Variants in DLGAP1 observed in about 807,000 individuals in gnomAD.
The protein encoded by DLGAP1 is DLG associated protein 1.
Under a neutral mutation model 90.8 loss-of-function variants are expected in DLGAP1, and 11 were observed. The observed-to-expected ratio is 0.12, with a 90% CI of 0.08 to 0.20. DLGAP1 has a LOEUF of 0.20. DLGAP1 is among the 10% of genes least tolerant of loss of function. The probability of loss-of-function intolerance (pLI) is 1.00; values close to 1 mark genes in which losing one functional copy is unlikely to be tolerated. For synonymous variants in DLGAP1, 558 were observed against 540.7 expected (o/e 1.03, Z -0.44); for missense variants, 1,050 against 1,333.8 (o/e 0.79, Z 3.31).
At chr18:4,193,784 C>T (rs1394204084) in intron 1 of DLGAP1, among the ~76,000 whole-genome samples, 3 of 152,140 alleles carry the variant, frequency 2.0e-5, no homozygotes, top group South Asian at 2.1e-4. Flanking sequence ...CTCTTCTATA[C>T]TGGCACTTTG....
At chr18:3,957,555 T>A (rs78166939) in intron 3 of DLGAP1, among the ~76,000 whole-genome samples, 3,202 of 152,352 alleles carry the variant, frequency 0.021, 59 homozygotes, top group Non-Finnish European at 0.031. Context: ...TAGATATTTT[T>A]AAAATCGTTA....
intron 1 of DLGAP1, among the ~76,000 whole-genome samples, chr18:4,349,429 C>T (rs1308836084): frequency 6.6e-6 from 1 of 151,730 alleles, no homozygotes; most frequent in Non-Finnish European, 1.5e-5. Flanking sequence ...GATCTTAATA[C>T]AGAAAAATGA....
chr18:3,677,234 A>G (rs905469764), intron 7 of DLGAP1, among the ~76,000 whole-genome samples: 1 of 151,686 alleles, frequency 6.6e-6, no homozygotes, highest in Non-Finnish European at 1.5e-5. Context: ...AGAGTCAAGA[A>G]CTCCTTTGAT....
intron 2 of DLGAP1, among the ~76,000 whole-genome samples, chr18:4,124,661 T>C (rs1209371667): frequency 6.6e-6 from 1 of 152,262 alleles, no homozygotes; most frequent in Non-Finnish European, 1.5e-5. Flanking sequence ...AAATGATTCA[T>C]TCAATACTTT....
At chr18:3,659,396 C>CACAT (rs2059605451) in intron 7 of DLGAP1, among the ~76,000 whole-genome samples, 1 of 81,250 alleles carries the variant, frequency 1.2e-5, no homozygotes, top group Non-Finnish European at 2.6e-5. Flanking sequence ...TACATTTATA[C>CACAT]ACACACACAC....
At chr18:3,794,754 T>C (rs1354400395) in intron 5 of DLGAP1, among the ~76,000 whole-genome samples, 1 of 152,254 alleles carries the variant, frequency 6.6e-6, no homozygotes, top group Non-Finnish European at 1.5e-5. Flanking sequence ...AAGGTGGCTG[T>C]GTGGCTGGGA....
intron 11 of DLGAP1, among the ~76,000 whole-genome samples, chr18:3,506,743 A>G (rs566760330): frequency 1.8e-4 from 28 of 152,282 alleles, no homozygotes; most frequent in African/African-American, 6.0e-4. Context: ...CTTCATGTAC[A>G]TGTTTGAGCA....
chr18:3,822,387 G>C (rs1185549660), intron 4 of DLGAP1, among the ~76,000 whole-genome samples: 1 of 152,180 alleles, frequency 6.6e-6, no homozygotes, highest in Non-Finnish European at 1.5e-5. Flanking sequence ...TACAGTATCT[G>C]CAGGGTACCC....
chr18:3,813,480 T>C (rs1568177286), intron 5 of DLGAP1, among the ~76,000 whole-genome samples: 1 of 152,232 alleles, frequency 6.6e-6, no homozygotes, highest in South Asian at 2.1e-4. Context: ...AAATGATGTA[T>C]GACTATATTT....
intron 1 of DLGAP1, among the ~76,000 whole-genome samples, chr18:4,219,179 A>G (rs537917623): frequency 1.3e-5 from 2 of 151,826 alleles, no homozygotes; most frequent in African/African-American, 4.8e-5. Flanking sequence ...TCTTACAGGT[A>G]TAAGATGATA....
Position 4,089,785 on chromosome 18 carries a change from C to G in DLGAP1, c.-159+61395G>C, listed in dbSNP as rs919507128. Among the ~76,000 whole-genome samples the G allele has an allele frequency of 9.9e-5, 15 of 152,204 alleles. 1 individual carries two copies. The highest frequency in any genetic ancestry group is 1.7e-4 in the African/African-American group (7 of 41,450). ...TCCTGGCCGGGCACGGTGGCTCACG[C>G]CTGTAGTCCCAGCACTTTGGGAGGC... On this transcript the variant is annotated intron_variant, in intron 2 of 12. Coordinates refer to ENST00000315677, the MANE Select transcript of DLGAP1 (RefSeq NM_004746.4).
intron 4 of DLGAP1, among the ~76,000 whole-genome samples, chr18:3,854,242 A>C (rs1156627225): frequency 6.6e-6 from 1 of 152,236 alleles, no homozygotes; most frequent in Non-Finnish European, 1.5e-5. Flanking sequence ...ATGAAAAAGA[A>C]CAGGACAGTC....
At chr18:4,002,592 T>A (rs1411290260) in intron 3 of DLGAP1, among the ~76,000 whole-genome samples, 1 of 152,202 alleles carries the variant, frequency 6.6e-6, no homozygotes, top group Admixed American at 6.5e-5. Context: ...ATACAATATG[T>A]AATACATATT....
chr18:4,083,343 C>T (rs1003099304), intron 2 of DLGAP1, among the ~76,000 whole-genome samples: 1 of 152,116 alleles, frequency 6.6e-6, no homozygotes, highest in Non-Finnish European at 1.5e-5. Flanking sequence ...TCTCATCTTC[C>T]TCTTTCTATA....
At chr18:4,233,530 T>C (rs944835277) in intron 1 of DLGAP1, among the ~76,000 whole-genome samples, 2 of 152,158 alleles carry the variant, frequency 1.3e-5, no homozygotes, top group East Asian at 1.9e-4. Context: ...TTTATCACTG[T>C]TATTGTTAAC....
intron 9 of DLGAP1, among the ~76,000 whole-genome samples, chr18:3,539,158 A>G (rs138942524): frequency 6.6e-6 from 1 of 152,374 alleles, no homozygotes; most frequent in East Asian, 1.9e-4. Flanking sequence ...TTTCATAAGC[A>G]AAGTTCCTTT....
rs947621249 is a variant in DLGAP1 at position 3,629,410 on chromosome 18, C to G, written c.1592-47162G>C. Among the ~76,000 whole-genome samples the G allele has an allele frequency of 6.6e-5, 10 of 151,694 alleles. No homozygotes were observed. The South Asian group carries it at 8.3e-4, about 13-fold the overall frequency. ...AAATAGGCTGGGCGCGGTGGCTCAA[C>G]CCTGTAATCCCAGCACTTTGGGAGG... On this transcript the variant is annotated intron_variant, in intron 7 of 12. Coordinates refer to ENST00000315677, the MANE Select transcript of DLGAP1 (RefSeq NM_004746.4).
chr18:4,421,530 T>C (rs1048607561), intron 1 of DLGAP1, among the ~76,000 whole-genome samples: 2 of 152,142 alleles, frequency 1.3e-5, no homozygotes, highest in African/African-American at 4.8e-5. Context: ...TTCAGCCTAC[T>C]ACAAGCACTC....
At chr18:4,032,265 G>A (rs994400315) in intron 2 of DLGAP1, among the ~76,000 whole-genome samples, 4 of 152,160 alleles carry the variant, frequency 2.6e-5, no homozygotes, top group African/African-American at 9.7e-5. Context: ...GGTAAAACAA[G>A]CTTTGATGTC....
Sources: gnomAD v4.1 joint callset for allele counts (sites outside exome capture counted in the v4.1 genomes callset) on GRCh38, gnomAD v4.1.1 for gene constraint, MANE v1.5 for transcripts, NCBI Gene and HGNC (gene_info 2026-07-23, HGNC 2026-07-21) for gene names.